Variants in ASCC3 observed in about 807,000 individuals in gnomAD.
The protein encoded by ASCC3 is activating signal cointegrator 1 complex subunit 3.
Under a neutral mutation model 256.3 loss-of-function variants are expected in ASCC3, and 158 were observed. That is an observed-to-expected ratio of 0.62 (90% CI 0.54 to 0.70). The LOEUF (loss-of-function observed/expected upper bound fraction) is 0.70. Ranked by LOEUF, ASCC3 falls within the 30% of genes least tolerant of loss-of-function variation. The pLI is 0.00. For missense variants in ASCC3, 2,259 were observed against 2,626.0 expected (o/e 0.86, Z 3.05); for synonymous variants, 948 against 883.4 (o/e 1.07, Z -1.30).
chr6:100,633,968 G>T (rs1379439377), intron 25 of ASCC3, among the ~76,000 whole-genome samples: 1 of 152,060 alleles, frequency 6.6e-6, no homozygotes, highest in African/African-American at 2.4e-5. Context: ...ATAAGTGCTT[G>T]GTTAAGATGG....
At chr6:100,648,988 G>A (rs1456874561) in intron 20 of ASCC3, among the ~76,000 whole-genome samples, 2 of 151,774 alleles carry the variant, frequency 1.3e-5, no homozygotes, top group Non-Finnish European at 3.0e-5. Flanking sequence ...GCTGAGGAGA[G>A]AAAGTTTAAA....
intron 3 of ASCC3, chr6:100,857,975 T>C (rs1013269898): frequency 1.3e-5 from 2 of 154,270 alleles, no homozygotes; most frequent in Admixed American, 6.6e-5. Context: ...TATATCATTA[T>C]AATAGTGAGT....
chr6:100,628,447 C>T (rs1479436836), intron 27 of ASCC3, among the ~76,000 whole-genome samples: 5 of 152,040 alleles, frequency 3.3e-5, no homozygotes, highest in African/African-American at 1.2e-4. Context: ...GAAGGTGGGG[C>T]CTGGTAGGAG....
chr6:100,835,776 A>T (rs903370216), intron 4 of ASCC3, among the ~76,000 whole-genome samples: 72 of 152,140 alleles, frequency 4.7e-4, no homozygotes, highest in African/African-American at 1.6e-3. Context: ...TGTTTTTTCT[A>T]TTTCTGTAAA....
rs539500431 is a variant in ASCC3, at chr6:100,671,902, T to C, written c.2286+7716A>G. Among the ~76,000 whole-genome samples, 23 of 152,214 alleles carry C rather than the reference T, an allele frequency of 1.5e-4. No individual in the cohort carries two copies. The East Asian group carries it at 4.4e-3, about 29-fold the overall frequency. ...CAACTGAGGGTATTACATCTGGTCC[T>C]TGCCTAGATTAGACTCATGCCACAT... On this transcript the variant is annotated intron_variant, in intron 14 of 41. Coordinates refer to ENST00000369162, the MANE Select transcript of ASCC3 (RefSeq NM_006828.4).
rs764120065 is a variant in ASCC3 at position 100,679,635 on chromosome 6, C to T, written c.2269G>A (p.Val757Ile). 6.2e-7 allele frequency: 1 copy of T among 1,613,392 alleles called. No individual in the cohort carries two copies. The highest frequency in any genetic ancestry group is 1.7e-5 in the Admixed American group (1 of 59,974). ...TTTCTTACCTGTTTTTCTGCAAGTA[C>T]ATAGTCATGTCCTTGGGTAGGAAAA... ...FFFPTQGHDY[V>I]LAEKQVQRSR... is the part of the protein sequence containing the mutation. The change falls in exon 14 of 42, where the codon GTA becomes ATA. Residue 757 changes from valine to isoleucine, a missense_variant. By Grantham distance (29) the Val-to-Ile change is conservative (BLOSUM62 3). Transcript: ENST00000369162.
chr6:100,659,955 CT>C (rs80195194), intron 16 of ASCC3, among the ~76,000 whole-genome samples: 52,486 of 151,306 alleles, frequency 0.35, 10,750 homozygotes, highest in Middle Eastern at 0.51. Flanking sequence ...ATGCAAACAC[CT>C]TGTCCTTGGA....
chr6:100,539,771 A>AT (rs556649964), intron 37 of ASCC3, among the ~76,000 whole-genome samples: 16 of 151,872 alleles, frequency 1.1e-4, no homozygotes, highest in South Asian at 2.1e-4. Context: ...ACCATTCTTT[A>AT]TTTTTTTTAA....
intron 4 of ASCC3, among the ~76,000 whole-genome samples, chr6:100,818,231 C>G (rs1171109338): frequency 1.3e-5 from 2 of 152,056 alleles, no homozygotes; most frequent in Non-Finnish European, 2.9e-5. Context: ...AACAAAGTAG[C>G]TCTTGAAGGG....
chr6:100,809,323 G>A (rs560826861), intron 4 of ASCC3, among the ~76,000 whole-genome samples: 6 of 151,854 alleles, frequency 4.0e-5, no homozygotes, highest in African/African-American at 1.5e-4. Context: ...AATATTGTCT[G>A]TCTTTAGAAC....
At chr6:100,877,600 G>T (rs1769045661) in intron 1 of ASCC3, among the ~76,000 whole-genome samples, 1 of 152,058 alleles carries the variant, frequency 6.6e-6, no homozygotes, top group South Asian at 2.1e-4. Context: ...TTTCTTACTT[G>T]TATTAAACCT....
chr6:100,719,965 C>T (rs1779249609), intron 11 of ASCC3, among the ~76,000 whole-genome samples: 1 of 151,790 alleles, frequency 6.6e-6, no homozygotes, highest in Admixed American at 6.6e-5. Context: ...GAATTTAGTG[C>T]CTAATATCAT....
chr6:100,758,426 G>A (rs1781285541), intron 10 of ASCC3, among the ~76,000 whole-genome samples: 1 of 151,744 alleles, frequency 6.6e-6, no homozygotes, highest in Non-Finnish European at 1.5e-5. Flanking sequence ...GTGTCCATGT[G>A]TTCTCCCTGT....
chr6:100,589,397 T>C (rs555598666), intron 36 of ASCC3, among the ~76,000 whole-genome samples: 19 of 152,238 alleles, frequency 1.2e-4, no homozygotes, highest in Non-Finnish European at 1.8e-4. Flanking sequence ...TCTACTATCC[T>C]GGCTTAAATA....
intron 37 of ASCC3, chr6:100,530,702 C>T (rs1390327586): frequency 2.1e-6 from 2 of 932,770 alleles, no homozygotes; most frequent in East Asian, 2.4e-5. Flanking sequence ...CCCAGATACC[C>T]AAGATGTAAC....
rs535480075 is a variant in ASCC3, at chr6:100,576,409, TA to T, written c.5550+13224del. On this transcript the variant is annotated intron_variant, in intron 36 of 41. Coordinates refer to ENST00000369162, the MANE Select transcript of ASCC3 (RefSeq NM_006828.4). Reference sequence around the variant, plus strand: ...AAAGTAACTCTGGTTCTTTATTTTTTAAAAGTATATTTCTTACATGTCAATG... The same window carrying T: ...AAAGTAACTCTGGTTCTTTATTTTTTAAAGTATATTTCTTACATGTCAATG... 2.8e-3 allele frequency among the ~76,000 whole-genome samples: 420 copies of T among 152,172 alleles called. 2 individuals are homozygous for T. The highest frequency in any genetic ancestry group is 9.2e-3 in the African/African-American group (381 of 41,546).
intron 36 of ASCC3, among the ~76,000 whole-genome samples, chr6:100,577,600 G>T (rs1440722050): frequency 6.6e-6 from 1 of 151,894 alleles, no homozygotes; most frequent in Non-Finnish European, 1.5e-5. Context: ...TTTGATAATG[G>T]GCAACACCTG....
intron 40 of ASCC3, chr6:100,510,326 A>G: frequency 1.8e-6 from 1 of 543,942 alleles, no homozygotes. Context: ...TATAGACACT[A>G]GTTCGTAGTT....
At chr6:100,651,507 G>C in intron 19 of ASCC3, 53 bp downstream of exon 19, 3 of 1,030,480 alleles carry the variant, frequency 2.9e-6, no homozygotes, top group Non-Finnish European at 4.3e-6. Flanking sequence ...TTTTATAAAT[G>C]AATGAATGCA....
Sources: gnomAD v4.1 joint callset for allele counts (sites outside exome capture counted in the v4.1 genomes callset) on GRCh38, gnomAD v4.1.1 for gene constraint, MANE v1.5 for transcripts, NCBI Gene and HGNC (gene_info 2026-07-23, HGNC 2026-07-21) for gene names.